CYP2B6: variants seen among roughly 807,000 people sequenced by gnomAD.
CYP2B6 encodes cytochrome P450 family 2 subfamily B member 6, also known as cytochrome P450 2B6.
In CYP2B6, 35 loss-of-function variants were observed where a neutral mutation model predicts 43.4. The ratio of observed to expected loss-of-function variants is 0.81; its 90% confidence interval spans 0.62 to 1.07. CYP2B6 has a LOEUF of 1.07. CYP2B6 is among the 50% of genes least tolerant of loss of function. The pLI, the probability that CYP2B6 is intolerant of heterozygous loss-of-function variation, is 0.00. For synonymous variants in CYP2B6, 239 were observed against 239.2 expected (o/e 1.00, Z 0.01); for missense variants, 624 against 632.8 (o/e 0.99, Z 0.15).
intron 7 of CYP2B6, 42 bp downstream of exon 7, chr19:41,012,527 C>T (rs1411053497): frequency 2.5e-6 from 4 of 1,611,984 alleles, no homozygotes; most frequent in Non-Finnish European, 3.4e-6. Context: ...GTTTGGGCAT[C>T]CTGGATTCTC....
chr19:40,994,071 A>C (rs1284021191), intron 1 of CYP2B6, among the ~76,000 whole-genome samples: 4 of 152,128 alleles, frequency 2.6e-5, no homozygotes, highest in Non-Finnish European at 4.4e-5. Context: ...CTGTCACCCA[A>C]ATACCACCAA....
intron 1 of CYP2B6, among the ~76,000 whole-genome samples, chr19:41,001,227 G>A (rs988371631): frequency 2.6e-5 from 4 of 152,044 alleles, no homozygotes; most frequent in African/African-American, 9.7e-5. Flanking sequence ...AATTCTCATA[G>A]AGTTTGATTA....
chr19:40,992,201 C>CAAAAAAAAAAAAAAAAAAAAAAAA lies in CYP2B6; in HGVS notation c.171+745_171+746insAAAAAAAAAAAAAAAAAAAAAAAA, dbSNP rs561830421. Among the ~76,000 whole-genome samples, 146 of 62,562 alleles carry CAAAAAAAAAAAAAAAAAAAAAAAA rather than the reference C, an allele frequency of 2.3e-3. 2 individuals are homozygous for CAAAAAAAAAAAAAAAAAAAAAAAA. The highest frequency in any genetic ancestry group is 7.5e-3 in the African/African-American group (137 of 18,366). 41.0% of individuals were successfully genotyped at this position (62,562 alleles called of 152,430 possible). A position where few individuals can be genotyped will look rare whatever the true frequency, so the allele number is the denominator to read the frequency against. ...TGGGTGACAGAGTGAGACTCCTTCT[C>CAAAAAAAAAAAAAAAAAAAAAAAA]AAAAAAAAAAAAAAAAAAAAGAATA... On this transcript the variant is annotated intron_variant, in intron 1 of 8. Coordinates refer to ENST00000324071, the MANE Select transcript of CYP2B6 (RefSeq NM_000767.5).
rs140993284 is a variant in CYP2B6, at chr19:41,012,674, G to T, written c.1153G>T (p.Asp385Tyr). 6.2e-7 allele frequency: 1 copy of T among 1,613,850 alleles called. No homozygotes were observed. Among genetic ancestry groups the T allele is most frequent in the East Asian group, 2.2e-5 (1 of 44,866 alleles). The part of the protein sequence containing the change: ...TSFRGYIIPK[D>Y]TEVFLILSTA... ...TTTTGATCTTGTGATCCTCCCTCAG[G>T]ACACAGAAGTATTTCTCATCCTGAG... The change falls in exon 8 of 9, where the codon GAC (aspartate) becomes TAC (tyrosine). Residue 385 changes from aspartate (D) to tyrosine (Y), a missense_variant and splice_region_variant. By Grantham distance (160) the Asp-to-Tyr change is radical (BLOSUM62 -3). Transcript: ENST00000324071.
In CYP2B6 at chr19:41,016,726, AT is replaced by A; in HGVS notation, c.1376del (p.Met459ArgfsTer12). 6.2e-7 allele frequency: 1 copy of A among 1,614,202 alleles called. No homozygotes were observed. Among genetic ancestry groups the A allele is most frequent in the East Asian group, 2.2e-5 (1 of 44,866 alleles). On this transcript the variant is annotated frameshift_variant, in exon 9 of 9. Transcript: ENST00000324071. LOFTEE classifies it low-confidence loss of function (END_TRUNC). ...FFTTILQNFS[M>X]ASPVAPEDID... The stretch of plus-strand genomic sequence containing the variant: ...CACCACCATCCTCCAGAACTTCTCC[AT>A]GGCCAGCCCCGTGGCCCCAGAAGAC...
In CYP2B6 at chr19:40,997,463, TA is replaced by T. The variant is rs368980929; in HGVS notation, c.171+5988del. 8.0e-3 allele frequency among the ~76,000 whole-genome samples: 1,222 copies of T among 152,232 alleles called. 22 individuals are homozygous for T. The highest frequency in any genetic ancestry group is 0.027 in the African/African-American group (1,139 of 41,494). ...GTTATCCTTTTACTATTAATAGAGT[TA>T]TTTTTTTAATTTCTGATCAATGGTC... is the stretch of plus-strand genomic sequence containing the variant. On this transcript the variant is annotated intron_variant, in intron 1 of 8. Transcript: ENST00000324071.
At chr19:40,998,592 G>C (rs1222711753) in intron 1 of CYP2B6, among the ~76,000 whole-genome samples, 70 of 122,502 alleles carry the variant, frequency 5.7e-4, no homozygotes, top group African/African-American at 2.3e-3. Context: ...CCCCACAACA[G>C]TCCCCAGAGT....
intron 1 of CYP2B6, among the ~76,000 whole-genome samples, chr19:41,002,817 G>T (rs1404936880): frequency 6.6e-6 from 1 of 152,116 alleles, no homozygotes; most frequent in Non-Finnish European, 1.5e-5. Context: ...AAATTGCTGG[G>T]ATTACAGATG....
intron 1 of CYP2B6, among the ~76,000 whole-genome samples, chr19:40,992,418 T>C (rs971057054): frequency 6.6e-6 from 1 of 152,098 alleles, no homozygotes; most frequent in Non-Finnish European, 1.5e-5. Flanking sequence ...ATGGACAATG[T>C]CAACGTAGTT....
chr19:41,008,333 T>A (rs1203491413), intron 4 of CYP2B6, among the ~76,000 whole-genome samples: 1 of 148,234 alleles, frequency 6.7e-6, no homozygotes, highest in Non-Finnish European at 1.5e-5. Context: ...TGGCTCAGCC[T>A]CCCGAGCAGC....
At chr19:41,016,433 A>AAAAAAAAAAAAAAAAAAAAAAGAGAG (rs1568564700) in intron 8 of CYP2B6, among the ~76,000 whole-genome samples, 1 of 98,958 alleles carries the variant, frequency 1.0e-5, no homozygotes, top group African/African-American at 4.2e-5. Flanking sequence ...AAAAAAAAAA[A>AAAAAAAAAAAAAAAAAAAAAAGAGAG]AGAGAGAGAG....
At chr19:41,013,642 T>C (rs1215792450) in intron 8 of CYP2B6, among the ~76,000 whole-genome samples, 1 of 151,368 alleles carries the variant, frequency 6.6e-6, no homozygotes, top group Non-Finnish European at 1.5e-5. Context: ...GCAGGAGGAG[T>C]TTGGATTTAT....
chr19:40,999,272 G>GT (rs1568558455), intron 1 of CYP2B6, among the ~76,000 whole-genome samples: 1 of 151,982 alleles, frequency 6.6e-6, no homozygotes, highest in Non-Finnish European at 1.5e-5. Flanking sequence ...TGATGGGGTT[G>GT]TTTTTTTCTT....
chr19:41,002,106 A>G (rs1969100445), intron 1 of CYP2B6, among the ~76,000 whole-genome samples: 1 of 152,150 alleles, frequency 6.6e-6, no homozygotes, highest in African/African-American at 2.4e-5. Context: ...ATGTAGGACC[A>G]TGTGAACCCT....
intron 1 of CYP2B6, among the ~76,000 whole-genome samples, chr19:41,001,269 C>T (rs1473480417): frequency 1.3e-5 from 2 of 152,070 alleles, no homozygotes; most frequent in East Asian, 3.8e-4. Context: ...CAAATAGGCA[C>T]ATACATGTTT....
chr19:41,009,087 T>G, intron 4 of CYP2B6, 132 bp from the exon 5 acceptor site: 1 of 719,268 alleles, frequency 1.4e-6, no homozygotes, highest in Non-Finnish European at 2.5e-6. Context: ...AGTCAGTGAG[T>G]GAGGGGTTCA....
At chr19:41,013,585 A>G (rs1189651054) in intron 8 of CYP2B6, among the ~76,000 whole-genome samples, 1 of 151,276 alleles carries the variant, frequency 6.6e-6, no homozygotes, top group African/African-American at 2.4e-5. Flanking sequence ...TGTAGATTGC[A>G]GAAGGAAATA....
chr19:41,000,427 T>G (rs1969066603), intron 1 of CYP2B6, among the ~76,000 whole-genome samples: 1 of 152,090 alleles, frequency 6.6e-6, no homozygotes, highest in Admixed American at 6.5e-5. Context: ...GAGTGAAAGC[T>G]CCAAGCCTGA....
chr19:41,011,300 TC>T (rs544003828), intron 6 of CYP2B6, among the ~76,000 whole-genome samples: 199 of 152,336 alleles, frequency 1.3e-3, no homozygotes, highest in African/African-American at 4.6e-3. Context: ...TTTCATTTAC[TC>T]CTTTATTTAC....
Sources: allele counts gnomAD v4.1 joint callset (sites outside exome capture counted in the v4.1 genomes callset), GRCh38; gene constraint gnomAD v4.1.1; transcripts MANE v1.5; gene names NCBI Gene and HGNC (gene_info 2026-07-23, HGNC 2026-07-21).